The following SUSD1 variants were observed in gnomAD, a reference collection of about 807,000 sequenced individuals.
SUSD1 encodes sushi domain containing 1.
SUSD1 carries 65 observed loss-of-function variants against 86.9 expected under a neutral mutation model. That is an observed-to-expected ratio of 0.75 (90% CI 0.61 to 0.92). The LOEUF (loss-of-function observed/expected upper bound fraction) is 0.92. SUSD1 is among the 40% of genes least tolerant of loss of function. The pLI is 0.00. For synonymous variants in SUSD1, 346 were observed against 350.0 expected (o/e 0.99, Z 0.13); for missense variants, 850 against 929.7 (o/e 0.91, Z 1.11).
intron 10 of SUSD1, among the ~76,000 whole-genome samples, chr9:112,087,551 C>T (rs1830037635): frequency 6.6e-6 from 1 of 151,744 alleles, no homozygotes; most frequent in African/African-American, 2.4e-5. Flanking sequence ...TGACTAAGTT[C>T]AGGAAAAAAT....
intron 10 of SUSD1, among the ~76,000 whole-genome samples, chr9:112,080,540 T>C (rs1403557775): frequency 2.0e-5 from 3 of 151,924 alleles, no homozygotes; most frequent in African/African-American, 7.3e-5. Flanking sequence ...ATACAAAAAC[T>C]AGCTGGGCGT....
chr9:112,041,277 G>T lies in SUSD1; in HGVS notation c.*215C>A. The T allele has an allele frequency of 1.6e-6, 1 of 618,568 alleles. No homozygotes were observed. Among genetic ancestry groups the T allele is most frequent in the South Asian group, 1.9e-5 (1 of 52,736 alleles). The allele number at this position is 618,568 out of a possible 1,614,324, so 38.3% of individuals were successfully genotyped here. ...ACAGAACTGGTCCTGTAGCAGGGAA[G>T]ACTCAGAATTCCTGAGTTTTCTCCT... is the stretch of plus-strand genomic sequence containing the variant. On this transcript the variant is annotated 3_prime_UTR_variant, in exon 17 of 17. Transcript: ENST00000374270.
At chr9:112,155,456 G>T (rs910906452) in intron 2 of SUSD1, among the ~76,000 whole-genome samples, 1 of 152,138 alleles carries the variant, frequency 6.6e-6, no homozygotes, top group Non-Finnish European at 1.5e-5. Context: ...CTCATGGGTA[G>T]AAACCTAAAA....
At position 112,149,424 on chromosome 9, in the gene SUSD1, G is replaced by A. The variant is rs370943221; in HGVS notation, c.218-25C>T. On this transcript the variant is annotated intron_variant, in intron 2 of 16. Transcript: ENST00000374270. ...TCTGTTGACACACAGACAAGGCACC[G>A]GAAGAGCTATCAATCCACACCGACT... The A allele has an allele frequency of 1.4e-4, 227 of 1,610,444 alleles. 1 individual carries two copies. The highest frequency in any genetic ancestry group is 1.8e-4 in the Non-Finnish European group (216 of 1,178,178).
At chr9:112,147,431 C>T (rs1355961717) in intron 3 of SUSD1, among the ~76,000 whole-genome samples, 1 of 152,016 alleles carries the variant, frequency 6.6e-6, no homozygotes, top group Non-Finnish European at 1.5e-5. Flanking sequence ...ACAGGGGAAT[C>T]GCTTGAACGC....
chr9:112,072,909 G>T (rs946759190), intron 12 of SUSD1, among the ~76,000 whole-genome samples: 2 of 152,208 alleles, frequency 1.3e-5, no homozygotes, highest in African/African-American at 4.8e-5. Context: ...CTTGGAGCCA[G>T]GGGGGCCCCC....
At chr9:112,047,795 C>T (rs1828021474) in intron 15 of SUSD1, among the ~76,000 whole-genome samples, 1 of 152,094 alleles carries the variant, frequency 6.6e-6, no homozygotes, top group African/African-American at 2.4e-5. Flanking sequence ...CTGGCTTTTC[C>T]ACTTCTCTAC....
At chr9:112,139,441 T>C (rs929393483) in intron 5 of SUSD1, among the ~76,000 whole-genome samples, 4 of 152,070 alleles carry the variant, frequency 2.6e-5, no homozygotes, top group Non-Finnish European at 5.9e-5. Context: ...ACCCACACAT[T>C]ATTATTATTA....
intron 6 of SUSD1, among the ~76,000 whole-genome samples, chr9:112,123,538 A>G (rs1361179512): frequency 6.6e-6 from 1 of 152,140 alleles, no homozygotes; most frequent in Non-Finnish European, 1.5e-5. Flanking sequence ...GGTGGCTCAC[A>G]CCTGTAATCC....
intron 13 of SUSD1, among the ~76,000 whole-genome samples, chr9:112,060,423 G>A (rs893945032): frequency 8.5e-5 from 13 of 152,152 alleles, no homozygotes; most frequent in Admixed American, 3.9e-4. Flanking sequence ...CACTATGCCC[G>A]GTTAATTTTT....
Position 112,098,704 on chromosome 9 carries a change from T to C in SUSD1, c.1282-42A>G, listed in dbSNP as rs751789277. The C allele has an allele frequency of 2.5e-6, 4 of 1,592,406 alleles. 1 individual carries two copies. On this transcript the variant is annotated intron_variant, in intron 9 of 16. Transcript: ENST00000374270. ...AGAAAGTGTTACATTAGATTTTCCA[T>C]TGACTAACAGGTGCCTAGACTATTA...
intron 14 of SUSD1, among the ~76,000 whole-genome samples, chr9:112,054,861 GCATCTAAGGACA>G (rs1293357561): frequency 3.9e-5 from 6 of 152,162 alleles, no homozygotes; most frequent in Admixed American, 6.5e-5. Flanking sequence ...AAGCTTTTAT[GCATCTAAGGACA>G]CTATGTATAG....
chr9:112,151,149 T>G (rs1833026435), intron 2 of SUSD1, among the ~76,000 whole-genome samples: 1 of 152,210 alleles, frequency 6.6e-6, no homozygotes, highest in South Asian at 2.1e-4. Context: ...CTCACTATGT[T>G]GCCCAGGCTG....
chr9:112,070,055 G>C (rs143082808), intron 12 of SUSD1, among the ~76,000 whole-genome samples: 2,732 of 152,136 alleles, frequency 0.018, 63 homozygotes, highest in East Asian at 0.051. Flanking sequence ...GCCCAGGCTG[G>C]AGTGCAATGG....
intron 12 of SUSD1, among the ~76,000 whole-genome samples, chr9:112,066,149 G>C (rs1235286865): frequency 6.6e-6 from 1 of 152,188 alleles, no homozygotes; most frequent in Non-Finnish European, 1.5e-5. Flanking sequence ...CCATGACAAT[G>C]CTTGCGTTCA....
intron 6 of SUSD1, among the ~76,000 whole-genome samples, chr9:112,119,729 C>T (rs561268457): frequency 1.3e-5 from 2 of 152,236 alleles, no homozygotes; most frequent in East Asian, 1.9e-4. Context: ...TTTCCAGACA[C>T]GAAAGTGATT....
chr9:112,092,407 C>A (rs1830238769), intron 10 of SUSD1, among the ~76,000 whole-genome samples: 1 of 152,180 alleles, frequency 6.6e-6, no homozygotes, highest in African/African-American at 2.4e-5. Flanking sequence ...AAATTTCTAA[C>A]TGATTCTTAA....
At chr9:112,156,288 C>T (rs1833312054) in intron 2 of SUSD1, among the ~76,000 whole-genome samples, 1 of 151,970 alleles carries the variant, frequency 6.6e-6, no homozygotes, top group Admixed American at 6.6e-5. Context: ...ATGGTGAAAC[C>T]CAGTCTCTAC....
intron 10 of SUSD1, among the ~76,000 whole-genome samples, chr9:112,092,249 C>G (rs1263135457): frequency 6.6e-6 from 1 of 152,230 alleles, no homozygotes; most frequent in Non-Finnish European, 1.5e-5. Flanking sequence ...GATCAGCAAA[C>G]AGCAGGCATT....
Sources: allele counts gnomAD v4.1 joint callset (sites outside exome capture counted in the v4.1 genomes callset), GRCh38; gene constraint gnomAD v4.1.1; transcripts MANE v1.5; gene names NCBI Gene and HGNC (gene_info 2026-07-23, HGNC 2026-07-21).